The following CSMD1 variants were observed in gnomAD, a reference collection of about 807,000 sequenced individuals.
CSMD1 encodes CUB and sushi domain-containing protein 1.
In CSMD1, 213 loss-of-function variants were observed where a neutral mutation model predicts 417.5. That is an observed-to-expected ratio of 0.51 (90% CI 0.46 to 0.57). The LOEUF (loss-of-function observed/expected upper bound fraction) is 0.57. Among genes scored for constraint, CSMD1 ranks in the 20% least tolerant of loss-of-function variants. CSMD1 has a pLI of 0.00. For missense variants in CSMD1, 6,923 were observed against 4,529.7 expected, an observed-to-expected ratio of 1.53 and a Z score of -15.17; for synonymous variants, 2,862 against 1,736.8, an observed-to-expected ratio of 1.65 and a Z score of -16.11.
At chr8:4,200,684 C>A (rs1278449935) in intron 3 of CSMD1, among the ~76,000 whole-genome samples, 1 of 152,058 alleles carries the variant, frequency 6.6e-6, no homozygotes, top group African/African-American at 2.4e-5. Flanking sequence ...AGGAAGACCG[C>A]ACCTCTACAA....
chr8:3,115,764 C>T lies in CSMD1; in HGVS notation c.6430+2635G>A, dbSNP rs754986305. Among the ~76,000 whole-genome samples the T allele has an allele frequency of 3.9e-5, 6 of 152,132 alleles. No homozygotes were observed. In the East Asian group the frequency reaches 1.2e-3, roughly 29 times the overall value. On this transcript the variant is annotated intron_variant, in intron 42 of 69. Coordinates refer to ENST00000635120, the MANE Select transcript of CSMD1 (RefSeq NM_033225.6). Reference sequence around the variant, plus strand: ...TTGATTTCATATATACTTGTGAAGACTGATGCCTTGGGATTTAGAATTATT... The same window carrying T: ...TTGATTTCATATATACTTGTGAAGATTGATGCCTTGGGATTTAGAATTATT...
chr8:4,527,804 T>C (rs1372590430), intron 2 of CSMD1, among the ~76,000 whole-genome samples: 1 of 152,208 alleles, frequency 6.6e-6, no homozygotes, highest in Non-Finnish European at 1.5e-5. Context: ...CTGGAAAGTC[T>C]AATGCAGAAG....
chr8:3,535,674 T>A (rs554667836), intron 10 of CSMD1, among the ~76,000 whole-genome samples: 3 of 152,350 alleles, frequency 2.0e-5, no homozygotes, highest in Admixed American at 6.5e-5. Context: ...AATCTATGCA[T>A]GTAACAAAAT....
intron 2 of CSMD1, among the ~76,000 whole-genome samples, chr8:4,471,293 A>G (rs1021541136): frequency 1.1e-4 from 16 of 152,200 alleles, no homozygotes; most frequent in Admixed American, 9.8e-4. Context: ...CAACAAAGTC[A>G]AACAGGTTGG....
intron 1 of CSMD1, among the ~76,000 whole-genome samples, chr8:4,750,155 G>C (rs1044781145): frequency 6.6e-6 from 1 of 151,928 alleles, no homozygotes; most frequent in Non-Finnish European, 1.5e-5. Flanking sequence ...ACAGGCGCCC[G>C]CCACCACGCC....
intron 2 of CSMD1, among the ~76,000 whole-genome samples, chr8:4,480,938 G>T (rs1241630729): frequency 6.6e-6 from 1 of 152,128 alleles, no homozygotes; most frequent in African/African-American, 2.4e-5. Context: ...ACTGGCCCTA[G>T]AAATCTACCT....
At chr8:4,230,146 T>C (rs1204524560) in intron 3 of CSMD1, among the ~76,000 whole-genome samples, 1 of 152,188 alleles carries the variant, frequency 6.6e-6, no homozygotes, top group Non-Finnish European at 1.5e-5. Context: ...TGATGACATA[T>C]TGCAGTGCTG....
At chr8:4,387,653 A>G (rs76389689) in intron 3 of CSMD1, among the ~76,000 whole-genome samples, 3,070 of 151,408 alleles carry the variant, frequency 0.02, 67 homozygotes, top group African/African-American at 0.063. Flanking sequence ...AATAATTAAA[A>G]ATGAAAAACT....
At chr8:4,429,847 C>A (rs1458888026) in intron 2 of CSMD1, among the ~76,000 whole-genome samples, 1 of 152,108 alleles carries the variant, frequency 6.6e-6, no homozygotes, top group African/African-American at 2.4e-5. Context: ...GAAATCCACG[C>A]CCATTCAGTT....
intron 3 of CSMD1, among the ~76,000 whole-genome samples, chr8:4,190,557 A>C (rs1336125149): frequency 6.8e-6 from 1 of 148,096 alleles, no homozygotes; most frequent in Non-Finnish European, 1.5e-5. Flanking sequence ...TTTTTTTTTA[A>C]CTGAAAGAGA....
At chr8:3,603,965 T>G (rs188334234) in intron 8 of CSMD1, among the ~76,000 whole-genome samples, 421 of 152,336 alleles carry the variant, frequency 2.8e-3, no homozygotes, top group Non-Finnish European at 4.9e-3. Context: ...TCTTACAAGT[T>G]TACCTGTAAA....
At chr8:4,581,655 G>A (rs377129845) in intron 2 of CSMD1, among the ~76,000 whole-genome samples, 1 of 152,306 alleles carries the variant, frequency 6.6e-6, no homozygotes, top group South Asian at 2.1e-4. Context: ...GGAAAGGGGA[G>A]TTCATTTGAA....
chr8:4,508,999 G>A (rs1802680359), intron 2 of CSMD1, among the ~76,000 whole-genome samples: 1 of 152,058 alleles, frequency 6.6e-6, no homozygotes, highest in South Asian at 2.1e-4. Flanking sequence ...TGAAGTCTGT[G>A]TTACCAGGGT....
intron 50 of CSMD1, among the ~76,000 whole-genome samples, chr8:3,036,429 G>A (rs1415489783): frequency 6.6e-6 from 1 of 152,172 alleles, no homozygotes; most frequent in African/African-American, 2.4e-5. Context: ...CGTACTCAAT[G>A]TGGGTAAGTG....
At chr8:4,441,995 A>G (rs1175128436) in intron 2 of CSMD1, among the ~76,000 whole-genome samples, 6 of 152,302 alleles carry the variant, frequency 3.9e-5, no homozygotes, top group Non-Finnish European at 1.5e-5. Context: ...TAAAAGGTAG[A>G]CTTGCCCTGA....
intron 23 of CSMD1, among the ~76,000 whole-genome samples, chr8:3,314,976 A>C (rs1315042853): frequency 2.0e-5 from 3 of 152,236 alleles, no homozygotes; most frequent in Non-Finnish European, 4.4e-5. Flanking sequence ...TGAGCTCTGA[A>C]AACATAACTG....
chr8:4,782,664 T>G (rs1271215711), intron 1 of CSMD1, among the ~76,000 whole-genome samples: 1 of 152,214 alleles, frequency 6.6e-6, no homozygotes, highest in African/African-American at 2.4e-5. Context: ...AATATAGCTC[T>G]ACTGTGACTC....
At chr8:4,452,288 T>C (rs576120208) in intron 2 of CSMD1, among the ~76,000 whole-genome samples, 1 of 152,318 alleles carries the variant, frequency 6.6e-6, no homozygotes, top group East Asian at 1.9e-4. Context: ...TGACTTGTCT[T>C]AACAACTATT....
chr8:3,954,658 G>A (rs1479717033), intron 5 of CSMD1, among the ~76,000 whole-genome samples: 2 of 152,210 alleles, frequency 1.3e-5, no homozygotes, highest in Non-Finnish European at 1.5e-5. Flanking sequence ...CACCGCACCT[G>A]GCCGGATCCC....
Sources: gnomAD v4.1 joint callset for allele counts (sites outside exome capture counted in the v4.1 genomes callset) on GRCh38, gnomAD v4.1.1 for gene constraint, MANE v1.5 for transcripts, NCBI Gene and HGNC (gene_info 2026-07-23, HGNC 2026-07-21) for gene names.